Variants in LOC400499 observed in about 807,000 individuals in gnomAD.
the LOC400499 span, among the ~76,000 whole-genome samples, chr16:11,483,624 G>A: frequency 1.7e-3 from 263 of 151,756 alleles, 1 homozygote; most frequent in Non-Finnish European, 3.0e-3. Context: ...CCAGCACTTT[G>A]AGAGGCCAAG....
the LOC400499 span, chr16:11,442,326 T>C: frequency 6.6e-6 from 1 of 152,560 alleles, no homozygotes; most frequent in East Asian, 1.9e-4. Flanking sequence ...GTTCAAGCGA[T>C]TCTCCTGCCT....
At chr16:11,417,082 C>T in the LOC400499 span, among the ~76,000 whole-genome samples, 6 of 151,596 alleles carry the variant, frequency 4.0e-5, no homozygotes, top group Non-Finnish European at 5.9e-5. Context: ...TGGGTTGAAC[C>T]GTGTCCCCCA....
the LOC400499 span, among the ~76,000 whole-genome samples, chr16:11,397,313 C>T: frequency 7.9e-5 from 12 of 152,290 alleles, no homozygotes; most frequent in East Asian, 5.8e-4. Flanking sequence ...TATGCTCTGT[C>T]GCCAGGCTGG....
the LOC400499 span, chr16:11,494,850 C>T: frequency 2.5e-6 from 1 of 397,796 alleles, no homozygotes; most frequent in Non-Finnish European, 4.4e-6. Context: ...ACCTGGGCAA[C>T]TTCATAATAC....
chr16:11,372,834 C>T, the LOC400499 span: 1 of 416,106 alleles, frequency 2.4e-6, no homozygotes, highest in Non-Finnish European at 3.2e-6. Flanking sequence ...GGCCCCTGGC[C>T]TTCATTATTA....
the LOC400499 span, among the ~76,000 whole-genome samples, chr16:11,444,292 G>C: frequency 6.6e-6 from 1 of 152,148 alleles, no homozygotes; most frequent in African/African-American, 2.4e-5. Context: ...CAGCTACTTA[G>C]GAGGCTGAGG....
the LOC400499 span, among the ~76,000 whole-genome samples, chr16:11,430,311 C>G: frequency 6.6e-6 from 1 of 152,052 alleles, no homozygotes; most frequent in Non-Finnish European, 1.5e-5. Context: ...CCTGGTGAAA[C>G]CCCGTCTCTA....
the LOC400499 span, among the ~76,000 whole-genome samples, chr16:11,518,529 A>G: frequency 6.6e-6 from 1 of 152,044 alleles, no homozygotes. Context: ...ACACTCAACA[A>G]CAATGCCCAA....
At chr16:11,400,497 G>A in the LOC400499 span, among the ~76,000 whole-genome samples, 48 of 150,148 alleles carry the variant, frequency 3.2e-4, no homozygotes, top group Non-Finnish European at 5.2e-4. Flanking sequence ...CTGGAGTGCA[G>A]TGGCGTGATC....
the LOC400499 span, chr16:11,460,456 G>C: frequency 4.6e-6 from 7 of 1,510,716 alleles, no homozygotes; most frequent in Non-Finnish European, 5.3e-6. Context: ...TCCGGATGTC[G>C]CACCTGGCCT....
the LOC400499 span, among the ~76,000 whole-genome samples, chr16:11,507,960 G>A: frequency 6.6e-6 from 1 of 152,080 alleles, no homozygotes; most frequent in African/African-American, 2.4e-5. Context: ...ACATTGAATG[G>A]AAGCCCCCAA....
At chr16:11,416,810 G>A in the LOC400499 span, among the ~76,000 whole-genome samples, 1 of 152,134 alleles carries the variant, frequency 6.6e-6, no homozygotes, top group African/African-American at 2.4e-5. Flanking sequence ...CCAAGGTCCT[G>A]GGGCCGCAGC....
chr16:11,474,015 G>C, the LOC400499 span, among the ~76,000 whole-genome samples: 1 of 152,088 alleles, frequency 6.6e-6, no homozygotes, highest in African/African-American at 2.4e-5. Context: ...CACCATGCCC[G>C]GCTAATTTGT....
At chr16:11,406,949 G>C in the LOC400499 span, among the ~76,000 whole-genome samples, 3 of 152,236 alleles carry the variant, frequency 2.0e-5, no homozygotes, top group African/African-American at 4.8e-5. Context: ...CACTTGATGA[G>C]AGGAAGGATT....
the LOC400499 span, among the ~76,000 whole-genome samples, chr16:11,444,568 A>G: frequency 6.6e-6 from 1 of 152,198 alleles, no homozygotes; most frequent in East Asian, 1.9e-4. Flanking sequence ...GACCTGAACC[A>G]TGTGGCCCAT....
At chr16:11,523,310 T>G in the LOC400499 span, 1 of 398,204 alleles carries the variant, frequency 2.5e-6, no homozygotes, top group Non-Finnish European at 4.4e-6. Context: ...CAGGGCCCTC[T>G]GGGGCTGTCT....
the LOC400499 span, among the ~76,000 whole-genome samples, chr16:11,434,502 G>C: frequency 6.6e-6 from 1 of 152,148 alleles, no homozygotes; most frequent in Non-Finnish European, 1.5e-5. Flanking sequence ...GGTATATAGA[G>C]TCAGAACCGA....
chr16:11,440,027 A>G, the LOC400499 span, among the ~76,000 whole-genome samples: 1 of 152,154 alleles, frequency 6.6e-6, no homozygotes. Flanking sequence ...AAGGTTACAC[A>G]GCTAGTTAAC....
At chr16:11,504,228 G>A in the LOC400499 span, among the ~76,000 whole-genome samples, 1 of 152,190 alleles carries the variant, frequency 6.6e-6, no homozygotes, top group African/African-American at 2.4e-5. Flanking sequence ...GCAGGCTACG[G>A]ATGGAGGCAA....
Sources: allele counts gnomAD v4.1 joint callset (sites outside exome capture counted in the v4.1 genomes callset), GRCh38; gene constraint gnomAD v4.1.1; transcripts MANE v1.5.